The following ITGA8 variants were observed in gnomAD, a reference collection of about 807,000 sequenced individuals.
The protein encoded by ITGA8 is integrin alpha-8.
A neutral mutation model predicts 142.3 loss-of-function variants in ITGA8; 91 were observed. The ratio of observed to expected loss-of-function variants is 0.64; its 90% CI spans 0.54 to 0.76. The LOEUF (loss-of-function observed/expected upper bound fraction) is 0.76, where lower values mean the gene tolerates loss of function less well. Ranked by LOEUF, ITGA8 falls within the 30% of genes least tolerant of loss-of-function variation. ITGA8 has a pLI of 0.00. For synonymous variants in ITGA8, 505 were observed against 485.2 expected (o/e 1.04, Z -0.54); for missense variants, 1,406 against 1,327.7 (o/e 1.06, Z -0.92).
In ITGA8 at chr10:15,526,294, A is replaced by T. The variant is rs538607432; in HGVS notation, c.2982+4756T>A. Among the ~76,000 whole-genome samples, 3 of 151,994 alleles carry T rather than the reference A, an allele frequency of 2.0e-5. No individual in the cohort carries two copies. In the South Asian group the frequency reaches 6.2e-4, roughly 32 times the overall value. ...CAGGTTCAAGAGATTCTCTTGCCTC[A>T]GCCTCCCGAGTAGCTGGGATTACAG... On this transcript the variant is annotated intron_variant, in intron 28 of 29. Coordinates refer to ENST00000378076, the MANE Select transcript of ITGA8 (RefSeq NM_003638.3).
rs1833922988 is a variant in ITGA8 at position 15,644,173 on chromosome 10, A to G, written c.1256T>C (p.Val419Ala). ...ATCTTTGTTCCCATTATAAATGAGC[A>G]CTTTGCCTCTTTGATCCTTGCCTGC... Reference protein sequence around the residue: ...PFAGKDQRGKVLIYNGNKDGL... With the variant: ...PFAGKDQRGKALIYNGNKDGL... Residue 419 changes from valine (V) to alanine (A), a missense_variant, in exon 13 of 30, where the codon GTG becomes GCG. Transcript: ENST00000378076. 2 of 1,614,042 alleles carry G rather than the reference A, an allele frequency of 1.2e-6. No individual in the cohort carries two copies. The highest frequency in any genetic ancestry group is 1.7e-6 in the Non-Finnish European group (2 of 1,179,992).
chr10:15,639,149 G>C (rs188580148), intron 13 of ITGA8, among the ~76,000 whole-genome samples: 2 of 151,356 alleles, frequency 1.3e-5, no homozygotes, highest in Non-Finnish European at 2.9e-5. Flanking sequence ...AAAAAAAGTT[G>C]CCCCTGCCCC....
chr10:15,547,591 A>C (rs1023523776), intron 27 of ITGA8, among the ~76,000 whole-genome samples: 3 of 152,186 alleles, frequency 2.0e-5, no homozygotes, highest in East Asian at 1.9e-4. Context: ...ACAACAACAA[A>C]AAAAAGTGCA....
intron 13 of ITGA8, among the ~76,000 whole-genome samples, chr10:15,627,651 G>C (rs1303308065): frequency 2.0e-5 from 3 of 152,188 alleles, no homozygotes; most frequent in African/African-American, 7.2e-5. Context: ...GAAGAGGTTT[G>C]AGACAGAGAT....
chr10:15,707,849 A>G (rs1026907304), intron 2 of ITGA8, among the ~76,000 whole-genome samples: 1 of 151,836 alleles, frequency 6.6e-6, no homozygotes, highest in African/African-American at 2.4e-5. Context: ...AAGAAAAAGA[A>G]AAAAAAGATA....
intron 13 of ITGA8, among the ~76,000 whole-genome samples, chr10:15,639,131 TAA>T (rs74315607): frequency 5.0e-5 from 7 of 141,398 alleles, no homozygotes; most frequent in African/African-American, 7.8e-5. Flanking sequence ...TCCTATCTCT[TAA>T]AAAAAAAAAA....
At chr10:15,596,177 C>G (rs1261455872) in intron 21 of ITGA8, among the ~76,000 whole-genome samples, 5 of 152,226 alleles carry the variant, frequency 3.3e-5, no homozygotes, top group Non-Finnish European at 7.3e-5. Flanking sequence ...ATCCCATTCT[C>G]TCTTTCAATG....
Position 15,589,553 on chromosome 10 carries a change from C to T in ITGA8, c.2291+2672G>A, listed in dbSNP as rs148514093. 2.7e-3 allele frequency among the ~76,000 whole-genome samples: 418 copies of T among 152,314 alleles called. 2 individuals are homozygous for T. The highest frequency in any genetic ancestry group is 4.2e-3 in the Non-Finnish European group (284 of 68,032). The stretch of plus-strand genomic sequence containing the variant: ...GAAAAGGGATTCATTAAATGCAGGT[C>T]ATGGCAGTCAATATATGCCTGTAAG... On this transcript the variant is annotated intron_variant, in intron 22 of 29. Coordinates refer to ENST00000378076, the MANE Select transcript of ITGA8 (RefSeq NM_003638.3).
intron 13 of ITGA8, 102 bp downstream of exon 13, chr10:15,643,928 C>T (rs370406451): frequency 1.0e-6 from 1 of 994,126 alleles, no homozygotes. Context: ...AAGCTTCAGC[C>T]TCATCTGTAG....
In ITGA8 at chr10:15,644,030, C is replaced by G. The variant is rs201156732; in HGVS notation, c.1399G>C (p.Asp467His). 2 of 1,610,114 alleles carry G rather than the reference C, an allele frequency of 1.2e-6. No homozygotes were observed. Among genetic ancestry groups the G allele is most frequent in the Admixed American group, 3.4e-5 (2 of 59,674 alleles). Residue 467 changes from aspartate to histidine, a missense_variant and splice_region_variant, in exon 13 of 30, where the codon GAT (aspartate) becomes CAT (histidine). Asp to His is a moderately conservative substitution (Grantham distance 81, BLOSUM62 -1). Coordinates refer to ENST00000378076, the MANE Select transcript of ITGA8 (RefSeq NM_003638.3). ...CGTGGGAAAAGAAAGAAAACCTTAC[C>G]TGGGTAATCATTCTTGTCTATGTCT... ...DSDIDKNDYP[D>H]LIVGAFGTGK...
chr10:15,546,272 A>C (rs567773700), intron 27 of ITGA8, among the ~76,000 whole-genome samples: 79 of 152,306 alleles, frequency 5.2e-4, no homozygotes, highest in African/African-American at 1.9e-3. Context: ...CCACTGAGAT[A>C]ACAGCCCTGT....
chr10:15,676,503 T>C (rs1834633043), intron 6 of ITGA8, among the ~76,000 whole-genome samples: 1 of 152,110 alleles, frequency 6.6e-6, no homozygotes, highest in Non-Finnish European at 1.5e-5. Context: ...GGATTGTGTA[T>C]CACAGTTGGG....
chr10:15,579,315 G>A (rs1387526854), intron 23 of ITGA8, among the ~76,000 whole-genome samples: 1 of 151,988 alleles, frequency 6.6e-6, no homozygotes, highest in Non-Finnish European at 1.5e-5. Flanking sequence ...GATCTGTTTT[G>A]ATTATTGGCA....
At chr10:15,676,958 G>A (rs1012012035) in intron 6 of ITGA8, among the ~76,000 whole-genome samples, 2 of 152,154 alleles carry the variant, frequency 1.3e-5, no homozygotes, top group African/African-American at 4.8e-5. Flanking sequence ...GCAGTGGGTC[G>A]AGATTGTGCT....
intron 25 of ITGA8, among the ~76,000 whole-genome samples, chr10:15,565,886 A>G (rs1834069836): frequency 6.6e-6 from 1 of 151,914 alleles, no homozygotes; most frequent in South Asian, 2.1e-4. Flanking sequence ...CACTGTGCCT[A>G]GCCATATGTC....
At chr10:15,671,546 C>G (rs976064181) in intron 8 of ITGA8, 57 bp downstream of exon 8, 3 of 1,423,738 alleles carry the variant, frequency 2.1e-6, no homozygotes, top group South Asian at 1.2e-5. Flanking sequence ...ACTTTATATG[C>G]CATTTTACCA....
intron 27 of ITGA8, among the ~76,000 whole-genome samples, chr10:15,538,834 G>C (rs1312306117): frequency 6.6e-6 from 1 of 151,902 alleles, no homozygotes; most frequent in Non-Finnish European, 1.5e-5. Flanking sequence ...CTAACACTTG[G>C]ATTCTCTGAA....
intron 26 of ITGA8, among the ~76,000 whole-genome samples, 176 bp downstream of exon 26, chr10:15,557,898 C>T (rs1833912436): frequency 6.6e-6 from 1 of 152,210 alleles, no homozygotes; most frequent in Non-Finnish European, 1.5e-5. Flanking sequence ...GCAAGTGCTC[C>T]TTAATTCTTA....
chr10:15,685,522 A>T (rs1834818950), intron 3 of ITGA8, among the ~76,000 whole-genome samples: 1 of 152,210 alleles, frequency 6.6e-6, no homozygotes, highest in Admixed American at 6.5e-5. Flanking sequence ...TGCCTATCAG[A>T]TAGAAGTTGA....
Sources: gnomAD v4.1 joint callset for allele counts (sites outside exome capture counted in the v4.1 genomes callset) on GRCh38, gnomAD v4.1.1 for gene constraint, MANE v1.5 for transcripts, NCBI Gene and HGNC (gene_info 2026-07-23, HGNC 2026-07-21) for gene names.